Variants in WIPI2 observed in about 807,000 individuals in gnomAD.
The protein encoded by WIPI2 is WD repeat domain, phosphoinositide interacting 2.
In WIPI2, 28 loss-of-function variants were observed where a neutral mutation model predicts 52.3. The ratio of observed to expected loss-of-function variants is 0.54; its 90% confidence interval spans 0.40 to 0.73. The LOEUF is 0.73. WIPI2 is among the 30% of genes least tolerant of loss of function. The probability of loss-of-function intolerance (pLI) is 0.00; values close to 1 mark genes in which losing one functional copy is unlikely to be tolerated. For missense variants in WIPI2, 506 were observed against 602.9 expected (o/e 0.84, Z 1.68); for synonymous variants, 268 against 245.0 (o/e 1.09, Z -0.88).
chr7:5,217,608 TCTC>T, intron 6 of WIPI2: 1 of 427,914 alleles, frequency 2.3e-6, no homozygotes, highest in South Asian at 2.2e-5. Flanking sequence ...ACTGCTCTCT[TCTC>T]AGTAGCAGAG....
intron 3 of WIPI2, among the ~76,000 whole-genome samples, chr7:5,208,587 A>G (rs1253685175): frequency 6.6e-6 from 1 of 152,114 alleles, no homozygotes; most frequent in African/African-American, 2.4e-5. Flanking sequence ...TCAATAATCT[A>G]TCTCATTAAT....
chr7:5,203,862 A>C (rs1782160308), intron 3 of WIPI2, among the ~76,000 whole-genome samples: 1 of 151,824 alleles, frequency 6.6e-6, no homozygotes, highest in Non-Finnish European at 1.5e-5. Context: ...TGACCTCATG[A>C]TCCACCCGCC....
rs540155814 is a variant in WIPI2 at position 5,229,924 on chromosome 7, G to A, written c.1252+186G>A. On this transcript the variant is annotated intron_variant, in intron 12 of 12. Coordinates refer to ENST00000288828, the MANE Select transcript of WIPI2 (RefSeq NM_015610.4). ...CTCTCTCAAGGCTGAATTCAGTTTCGTTTCCTTTTTTTTTTTTTTTTTTAA... is the reference window on the plus strand; with the variant it reads ...CTCTCTCAAGGCTGAATTCAGTTTCATTTCCTTTTTTTTTTTTTTTTTTAA... 2.5e-3 allele frequency among the ~76,000 whole-genome samples: 350 copies of A among 142,404 alleles called. 2 individuals are homozygous for A. The highest frequency in any genetic ancestry group is 8.9e-3 in the African/African-American group (341 of 38,308). 93.4% of individuals were successfully genotyped at this position (142,404 alleles called of 152,430 possible).
Position 5,227,066 on chromosome 7 carries a change from T to C in WIPI2, c.849-114T>C. On this transcript the variant is annotated intron_variant, in intron 9 of 12. Transcript: ENST00000288828. The surrounding 1 kb of genome is among the most constrained non-coding windows in gnomAD (Gnocchi z 8.1). ...TAACCAACCCTGTTTAATTTTCCTG[T>C]GAAGAATGGAGACTTTTGCTGTCGG... 1 of 1,412,668 alleles carries C rather than the reference T, an allele frequency of 7.1e-7. No individual in the cohort carries two copies. The highest frequency in any genetic ancestry group is 2.3e-5 in the East Asian group (1 of 43,460). 87.5% of individuals were successfully genotyped at this position (1,412,668 alleles called of 1,614,324 possible).
At chr7:5,201,190 C>A (rs772230459) in intron 3 of WIPI2, among the ~76,000 whole-genome samples, 1 of 152,198 alleles carries the variant, frequency 6.6e-6, no homozygotes, top group African/African-American at 2.4e-5. Context: ...CAGGCTTTTA[C>A]GAATGACTGA....
At chr7:5,226,439 C>G (rs1425669853) in intron 9 of WIPI2, 1 of 156,234 alleles carries the variant, frequency 6.4e-6, no homozygotes, top group African/African-American at 2.4e-5. Flanking sequence ...TTATTGTAGC[C>G]TCTAGCTGCT....
At chr7:5,229,412 A>T in intron 11 of WIPI2, 196 bp from the exon 12 acceptor site, 1 of 564,382 alleles carries the variant, frequency 1.8e-6, no homozygotes, top group Non-Finnish European at 3.1e-6. Context: ...CTCCCTCTTT[A>T]GACTTTCCAT....
intron 1 of WIPI2, among the ~76,000 whole-genome samples, chr7:5,191,659 AAGTG>A (rs1272420435): frequency 3.3e-5 from 5 of 152,106 alleles, no homozygotes; most frequent in African/African-American, 1.2e-4. Flanking sequence ...GCCATCTTGG[AAGTG>A]AGTAAGAGGA....
intron 3 of WIPI2, among the ~76,000 whole-genome samples, chr7:5,200,279 G>C (rs1781958708): frequency 6.6e-6 from 1 of 152,208 alleles, no homozygotes; most frequent in Non-Finnish European, 1.5e-5. Context: ...TGCAAAAATA[G>C]TATTTGCTGA....
intron 3 of WIPI2, among the ~76,000 whole-genome samples, chr7:5,202,221 CTTG>C (rs1039755803): frequency 1.2e-4 from 19 of 152,162 alleles, no homozygotes; most frequent in African/African-American, 2.4e-4. Context: ...TGGACAGCTA[CTTG>C]TTGTTCTTTT....
At chr7:5,206,534 T>C (rs2115245646) in intron 3 of WIPI2, among the ~76,000 whole-genome samples, 1 of 152,344 alleles carries the variant, frequency 6.6e-6, no homozygotes, top group African/African-American at 2.4e-5. Context: ...TCATTAACAT[T>C]TTAGAAAAAC....
At chr7:5,197,111 C>CAAAAAAAAAAAAAA (rs1562384541) in intron 2 of WIPI2, among the ~76,000 whole-genome samples, 1 of 56,428 alleles carries the variant, frequency 1.8e-5, no homozygotes, top group Non-Finnish European at 2.9e-5. Context: ...GACTCCGTCT[C>CAAAAAAAAAAAAAA]AAAAAACAAA....
intron 7 of WIPI2, among the ~76,000 whole-genome samples, chr7:5,220,987 G>A (rs1483681270): frequency 3.1e-5 from 4 of 129,204 alleles, no homozygotes; most frequent in African/African-American, 5.8e-5. Context: ...TTTTTGAGAC[G>A]GAGTCTTGCT....
intron 2 of WIPI2, among the ~76,000 whole-genome samples, chr7:5,195,546 A>G (rs979359905): frequency 3.9e-5 from 6 of 152,086 alleles, no homozygotes; most frequent in African/African-American, 1.4e-4. Context: ...ATAAATAAAC[A>G]TTTTTTGGCA....
chr7:5,230,308 G>T lies in WIPI2; in HGVS notation c.1253-527G>T, dbSNP rs1012653221. Among the ~76,000 whole-genome samples, 1 of 152,188 alleles carries T rather than the reference G, an allele frequency of 6.6e-6. No individual in the cohort carries two copies. ...AGCTGTAGGGGAATGAGGCCAATGG[G>T]CTCCCCTCCGGCGGCAGCACTAAGA... is the stretch of plus-strand genomic sequence containing the variant. On this transcript the variant is annotated intron_variant, in intron 12 of 12. Coordinates refer to ENST00000288828, the MANE Select transcript of WIPI2 (RefSeq NM_015610.4). This position sits in a 1 kb window ranked among gnomAD's most constrained non-coding sequence, Gnocchi z 4.8.
chr7:5,232,020 G>T lies in WIPI2; in HGVS notation c.*1073G>T, dbSNP rs1338729436. Reference sequence around the variant, plus strand: ...ATTGTGGTTGCAAGCTTCAGTATTTGCCTCGCTTCCCTTCCCTTTTCATAT... The same window carrying T: ...ATTGTGGTTGCAAGCTTCAGTATTTTCCTCGCTTCCCTTCCCTTTTCATAT... On this transcript the variant is annotated 3_prime_UTR_variant, in exon 13 of 13. Coordinates refer to ENST00000288828, the MANE Select transcript of WIPI2 (RefSeq NM_015610.4). The T allele has an allele frequency of 3.0e-6, 1 of 328,568 alleles. No individual in the cohort carries two copies. The highest frequency in any genetic ancestry group is 6.4e-5 in the Admixed American group (1 of 15,542). 20.4% of individuals were successfully genotyped at this position (328,568 alleles called of 1,614,324 possible).
chr7:5,223,780 T>C (rs1783272359), intron 8 of WIPI2, among the ~76,000 whole-genome samples: 1 of 152,124 alleles, frequency 6.6e-6, no homozygotes, highest in Non-Finnish European at 1.5e-5. Context: ...ACTCCCCATC[T>C]TGGTAAATAG....
intron 3 of WIPI2, among the ~76,000 whole-genome samples, chr7:5,200,768 G>T (rs1781985902): frequency 6.6e-6 from 1 of 152,170 alleles, no homozygotes; most frequent in African/African-American, 2.4e-5. Flanking sequence ...CTGCAGGTGA[G>T]CCTGCAGGTG....
chr7:5,218,767 T>C (rs1782948174), intron 7 of WIPI2: 1 of 152,234 alleles, frequency 6.6e-6, no homozygotes, highest in Non-Finnish European at 1.5e-5. Context: ...CTCCTTGTTC[T>C]CTTCCTCATT....
Sources: allele counts gnomAD v4.1 joint callset (sites outside exome capture counted in the v4.1 genomes callset), GRCh38; gene constraint gnomAD v4.1.1; non-coding constraint Gnocchi (gnomAD v3.1); transcripts MANE v1.5; gene names NCBI Gene and HGNC (gene_info 2026-07-23, HGNC 2026-07-21).